Variants in EFNA5 observed in about 807,000 individuals in gnomAD.
EFNA5 encodes ephrin A5.
EFNA5 carries 5 observed loss-of-function variants against 22.9 expected under a neutral mutation model. That is an observed-to-expected ratio of 0.22 (90% CI 0.11 to 0.46). The LOEUF is 0.46. Among genes scored for constraint, EFNA5 ranks in the 20% least tolerant of loss-of-function variants. The pLI is 0.99. For missense variants in EFNA5, 237 were observed against 293.3 expected (o/e 0.81, Z 1.40); for synonymous variants, 113 against 112.2 (o/e 1.01, Z -0.04).
intron 1 of EFNA5, among the ~76,000 whole-genome samples, chr5:107,465,105 C>A (rs1042578430): frequency 6.6e-6 from 1 of 151,488 alleles, no homozygotes; most frequent in African/African-American, 2.4e-5. Flanking sequence ...GGGAAGTTTC[C>A]GAACCACTGC....
chr5:107,427,195 C>T (rs1207498018), intron 2 of EFNA5, 22 bp downstream of exon 2: 18 of 1,613,708 alleles, frequency 1.1e-5, no homozygotes, highest in Non-Finnish European at 1.2e-5. Flanking sequence ...CCCTACAACA[C>T]GATAAATCTC....
intron 1 of EFNA5, among the ~76,000 whole-genome samples, chr5:107,446,710 C>T (rs139876351): frequency 0.016 from 2,379 of 152,020 alleles, 52 homozygotes; most frequent in African/African-American, 0.055. Flanking sequence ...GCCAAGATCA[C>T]GCCACTGCAC....
chr5:107,593,819 C>A (rs1289429430), intron 1 of EFNA5, among the ~76,000 whole-genome samples: 4 of 152,178 alleles, frequency 2.6e-5, no homozygotes, highest in Admixed American at 6.5e-5. Context: ...TACAAACTCA[C>A]CCAAGATCTC....
At chr5:107,660,301 T>TATAC (rs1750924899) in intron 1 of EFNA5, among the ~76,000 whole-genome samples, 3 of 101,294 alleles carry the variant, frequency 3.0e-5, no homozygotes, top group Non-Finnish European at 4.1e-5. Flanking sequence ...TATATATATA[T>TATAC]ATATATATAT....
chr5:107,597,597 G>A (rs1377532019), intron 1 of EFNA5, among the ~76,000 whole-genome samples: 1 of 152,016 alleles, frequency 6.6e-6, no homozygotes, highest in African/African-American at 2.4e-5. Flanking sequence ...AAAGGGGGGA[G>A]AGAAGATTAA....
At chr5:107,497,386 G>C (rs1747014090) in intron 1 of EFNA5, among the ~76,000 whole-genome samples, 1 of 152,184 alleles carries the variant, frequency 6.6e-6, no homozygotes, top group Admixed American at 6.5e-5. Flanking sequence ...AAGGTAAACG[G>C]AGCCTTATAT....
intron 2 of EFNA5, among the ~76,000 whole-genome samples, chr5:107,405,876 T>C (rs1748196116): frequency 1.3e-5 from 2 of 149,854 alleles, no homozygotes; most frequent in Admixed American, 6.7e-5. Flanking sequence ...CAAATACATA[T>C]ATTTGTATAC....
chr5:107,447,904 G>A (rs1298164329), intron 1 of EFNA5, among the ~76,000 whole-genome samples: 1 of 151,838 alleles, frequency 6.6e-6, no homozygotes, highest in East Asian at 1.9e-4. Context: ...CTGGAGTGCA[G>A]TGGCACAATC....
chr5:107,667,182 T>C (rs1214885617), intron 1 of EFNA5, among the ~76,000 whole-genome samples: 3 of 152,106 alleles, frequency 2.0e-5, no homozygotes, highest in Non-Finnish European at 2.9e-5. Context: ...TGTTATCATA[T>C]ATTTCTATTC....
chr5:107,593,049 T>C (rs976743749), intron 1 of EFNA5, among the ~76,000 whole-genome samples: 1 of 152,222 alleles, frequency 6.6e-6, no homozygotes, highest in Non-Finnish European at 1.5e-5. Flanking sequence ...CCAGAAGGGA[T>C]TGTGGCATGA....
At chr5:107,504,733 G>A (rs1747215483) in intron 1 of EFNA5, among the ~76,000 whole-genome samples, 1 of 152,104 alleles carries the variant, frequency 6.6e-6, no homozygotes, top group Non-Finnish European at 1.5e-5. Context: ...TGTTGTCGAA[G>A]CCTATTTAGG....
intron 1 of EFNA5, among the ~76,000 whole-genome samples, chr5:107,595,006 T>C (rs1749445485): frequency 6.6e-6 from 1 of 152,124 alleles, no homozygotes; most frequent in South Asian, 2.1e-4. Context: ...ATTTGTGGTA[T>C]ATGGCTGGAT....
intron 1 of EFNA5, among the ~76,000 whole-genome samples, chr5:107,452,755 T>C (rs1390123189): frequency 6.6e-6 from 1 of 152,142 alleles, no homozygotes. Context: ...AACTCTTGTA[T>C]ACAACAAATT....
chr5:107,549,469 G>A (rs1748238583), intron 1 of EFNA5, among the ~76,000 whole-genome samples: 1 of 152,202 alleles, frequency 6.6e-6, no homozygotes, highest in Non-Finnish European at 1.5e-5. Context: ...TTAATAAGTA[G>A]CAGCTTGTTA....
At chr5:107,528,148 T>C (rs528425285) in intron 1 of EFNA5, among the ~76,000 whole-genome samples, 1 of 152,182 alleles carries the variant, frequency 6.6e-6, no homozygotes, top group South Asian at 2.1e-4. Context: ...ATCTGCAAAA[T>C]GGGAATGGTA....
intron 1 of EFNA5, among the ~76,000 whole-genome samples, chr5:107,518,239 A>G (rs1431783292): frequency 1.3e-5 from 2 of 151,880 alleles, no homozygotes; most frequent in South Asian, 2.1e-4. Context: ...CAGTGTTTGC[A>G]TACACAACTG....
At position 107,378,925 on chromosome 5, in the gene EFNA5, C is replaced by T. The variant is rs1488270359; in HGVS notation, c.*2330G>A. 1.3e-5 allele frequency: 2 copies of T among 151,908 alleles called. No homozygotes were observed. Among genetic ancestry groups the T allele is most frequent in the African/African-American group, 4.8e-5 (2 of 41,322 alleles). The allele number at this position is 151,908 out of a possible 1,614,324, so 9.4% of individuals were successfully genotyped here. ...CTGTATTATTTTGGTTCTATTGATC[C>T]ATTTTAGAAGGTATCTTTCTCCCCC... On this transcript the variant is annotated 3_prime_UTR_variant, in exon 5 of 5. Coordinates refer to ENST00000333274, the MANE Select transcript of EFNA5 (RefSeq NM_001962.3).
Position 107,539,532 on chromosome 5 carries a change from C to T in EFNA5, c.126-112023G>A, listed in dbSNP as rs71575445. ...GAAGTGCAGTGGGGTGATCTCGGCTCACTGCAACCTCTGCCTCCCGGGTTC... is the reference window on the plus strand; with the variant it reads ...GAAGTGCAGTGGGGTGATCTCGGCTTACTGCAACCTCTGCCTCCCGGGTTC... On this transcript the variant is annotated intron_variant, in intron 1 of 4. Transcript: ENST00000333274. Among the ~76,000 whole-genome samples, 115 of 152,258 alleles carry T rather than the reference C, an allele frequency of 7.6e-4. 1 individual carries two copies. Among genetic ancestry groups the T allele is most frequent in the Admixed American group, 2.9e-3 (45 of 15,292 alleles).
chr5:107,560,572 T>C (rs902511072), intron 1 of EFNA5, among the ~76,000 whole-genome samples: 28 of 152,216 alleles, frequency 1.8e-4, no homozygotes, highest in African/African-American at 6.8e-4. Flanking sequence ...ATACTTTAGC[T>C]GGCCACAAAC....
Sources: allele counts gnomAD v4.1 joint callset (sites outside exome capture counted in the v4.1 genomes callset), GRCh38; gene constraint gnomAD v4.1.1; transcripts MANE v1.5; gene names NCBI Gene and HGNC (gene_info 2026-07-23, HGNC 2026-07-21).